Variants in DNAH11 observed in about 807,000 individuals in gnomAD.
DNAH11 encodes axonemal beta dynein heavy chain 11.
Under a neutral mutation model 526.0 loss-of-function variants are expected in DNAH11, and 442 were observed. The observed-to-expected ratio is 0.84, with a 90% confidence interval of 0.78 to 0.91. The LOEUF (loss-of-function observed/expected upper bound fraction) is 0.91. Among genes scored for constraint, DNAH11 ranks in the 40% least tolerant of loss-of-function variants. The probability of loss-of-function intolerance (pLI) is 0.00; values close to 1 mark genes in which losing one functional copy is unlikely to be tolerated. For synonymous variants in DNAH11, 2,461 were observed against 1,935.9 expected (o/e 1.27, Z -7.12); for missense variants, 6,989 against 5,448.7 (o/e 1.28, Z -8.90).
chr7:21,625,323 C>G (rs1198278602), intron 25 of DNAH11, among the ~76,000 whole-genome samples: 1 of 152,100 alleles, frequency 6.6e-6, no homozygotes, highest in Non-Finnish European at 1.5e-5. Flanking sequence ...ATAGTAGTCT[C>G]TTATGATCCT....
At chr7:21,707,630 G>A (rs1353359771) in intron 39 of DNAH11, 69 bp from the exon 40 acceptor site, 100 of 1,545,080 alleles carry the variant, frequency 6.5e-5, no homozygotes, top group Non-Finnish European at 8.6e-5. Context: ...AAACTCTTCA[G>A]AAATCTTTTA....
At chr7:21,601,293 A>G (rs1316887415) in intron 17 of DNAH11, 103 bp from the exon 18 acceptor site, 1 of 1,435,018 alleles carries the variant, frequency 7.0e-7, no homozygotes, top group Non-Finnish European at 9.4e-7. Flanking sequence ...ATAAATGTTT[A>G]ATCAGGTACA....
Position 21,635,771 on chromosome 7 carries a change from A to G in DNAH11, c.4501-100A>G, listed in dbSNP as rs1380812172. Reference sequence around the variant, plus strand: ...GTTCCAGATATTACATGCTAGGTCTAAGAATCCAGCAATAAACAGAGTAGA... The same window carrying G: ...GTTCCAGATATTACATGCTAGGTCTGAGAATCCAGCAATAAACAGAGTAGA... On this transcript the variant is annotated intron_variant, in intron 25 of 81. Coordinates refer to ENST00000409508, the MANE Select transcript of DNAH11 (RefSeq NM_001277115.2). 6.3e-5 allele frequency: 62 copies of G among 976,678 alleles called. 1 individual carries two copies. The highest frequency in any genetic ancestry group is 3.7e-4 in the East Asian group (14 of 37,338). The allele number at this position is 976,678 out of a possible 1,614,324, so 60.5% of individuals were successfully genotyped here.
At chr7:21,699,260 A>T (rs948270857) in intron 36 of DNAH11, among the ~76,000 whole-genome samples, 5 of 152,120 alleles carry the variant, frequency 3.3e-5, no homozygotes, top group African/African-American at 7.2e-5. Flanking sequence ...TGTGCTCTAC[A>T]ATTTCCTTGT....
intron 65 of DNAH11, among the ~76,000 whole-genome samples, chr7:21,834,864 A>T (rs552120047): frequency 6.6e-6 from 1 of 152,260 alleles, no homozygotes; most frequent in South Asian, 2.1e-4. Flanking sequence ...TCCCAAAAAA[A>T]CAAATAACAC....
In DNAH11 at chr7:21,741,932, T is replaced by G. The variant is rs764400516; in HGVS notation, c.7920T>G (p.His2640Gln). 1 of 1,613,716 alleles carries G rather than the reference T, an allele frequency of 6.2e-7. No homozygotes were observed. Among genetic ancestry groups the G allele is most frequent in the Non-Finnish European group, 8.5e-7 (1 of 1,179,764 alleles). Reference protein sequence around the residue: ...SFTINPRLQRHFTVFAFNFPS... With the variant: ...SFTINPRLQRQFTVFAFNFPS... ...ATATTTGCTTTTCTTTTCAGAGACA[T>G]TTCACAGTGTTTGCATTCAATTTTC... The change falls in exon 49 of 82, where the codon CAT becomes CAG. Residue 2640 changes from histidine (H) to glutamine (Q), a missense_variant. By Grantham distance (24) the His-to-Gln change is conservative. Transcript: ENST00000409508.
chr7:21,636,367 G>A (rs1202932217), intron 26 of DNAH11, among the ~76,000 whole-genome samples: 1 of 152,128 alleles, frequency 6.6e-6, no homozygotes, highest in East Asian at 1.9e-4. Flanking sequence ...AGCTTTACTT[G>A]TAGACACTGA....
chr7:21,635,316 C>G (rs992898184), intron 25 of DNAH11, among the ~76,000 whole-genome samples: 1 of 152,160 alleles, frequency 6.6e-6, no homozygotes, highest in Non-Finnish European at 1.5e-5. Context: ...GTCACCACGC[C>G]CAGCTAATTT....
chr7:21,758,800 A>G (rs1344588524), intron 54 of DNAH11, among the ~76,000 whole-genome samples: 1 of 152,208 alleles, frequency 6.6e-6, no homozygotes, highest in African/African-American at 2.4e-5. Flanking sequence ...TTTGGAAAGC[A>G]TGTCGTGCTT....
At chr7:21,594,818 G>A (rs1266816807) in intron 14 of DNAH11, among the ~76,000 whole-genome samples, 1 of 152,148 alleles carries the variant, frequency 6.6e-6, no homozygotes. Flanking sequence ...GGGACTGGCA[G>A]CTCAGGGGAG....
At chr7:21,578,447 T>C (rs1328464681) in intron 8 of DNAH11, among the ~76,000 whole-genome samples, 5 of 152,224 alleles carry the variant, frequency 3.3e-5, no homozygotes, top group African/African-American at 1.2e-4. Flanking sequence ...GCTCCACCCC[T>C]GTGGCTCTGC....
intron 45 of DNAH11, 126 bp from the exon 46 acceptor site, chr7:21,735,514 T>C (rs1350856671): frequency 6.2e-6 from 5 of 803,168 alleles, no homozygotes; most frequent in African/African-American, 1.7e-5. Flanking sequence ...ATCTGAACTA[T>C]GAATTATTTG....
chr7:21,652,557 C>G (rs1365751597), intron 28 of DNAH11, among the ~76,000 whole-genome samples: 2 of 127,286 alleles, frequency 1.6e-5, no homozygotes, highest in African/African-American at 5.0e-5. Flanking sequence ...TTTTTGATCT[C>G]CCTGTATGTT....
intron 2 of DNAH11, 140 bp downstream of exon 2, chr7:21,545,289 A>AAAAAT (rs1210210084): frequency 3.7e-6 from 3 of 805,108 alleles, no homozygotes; most frequent in African/African-American, 3.7e-5. Context: ...AAAAAAAAAA[A>AAAAAT]AAAAAAAGCT....
At position 21,591,529 on chromosome 7, in the gene DNAH11, A is replaced by G; in HGVS notation, c.2619A>G (p.Lys873=). The change falls in exon 14 of 82, where the codon AAA becomes AAG. Residue 873 remains lysine, a synonymous_variant. Coordinates refer to ENST00000409508, the MANE Select transcript of DNAH11 (RefSeq NM_001277115.2). ...LEDKGDLFTK[K]YKLIQGDGCK... ...ACAAGGGTGATTTGTTTACAAAAAA[A>G]TACAAGTTAATCCAAGGAGATGGCT... 1 of 1,595,426 alleles carries G rather than the reference A, an allele frequency of 6.3e-7. No individual in the cohort carries two copies. Among genetic ancestry groups the G allele is most frequent in the Middle Eastern group, 1.7e-4 (1 of 5,988 alleles).
At chr7:21,578,892 C>G (rs960830341) in intron 8 of DNAH11, among the ~76,000 whole-genome samples, 1 of 152,198 alleles carries the variant, frequency 6.6e-6, no homozygotes, top group African/African-American at 2.4e-5. Flanking sequence ...CAAACCTACT[C>G]TTGCCTGTCT....
chr7:21,574,347 G>A (rs563198616), intron 8 of DNAH11, among the ~76,000 whole-genome samples: 1 of 152,266 alleles, frequency 6.6e-6, no homozygotes, highest in East Asian at 1.9e-4. Context: ...TATGGACGAA[G>A]TACTGGATGC....
chr7:21,663,968 GT>G (rs1323006853), intron 30 of DNAH11, among the ~76,000 whole-genome samples: 1 of 151,854 alleles, frequency 6.6e-6, no homozygotes, highest in Non-Finnish European at 1.5e-5. Context: ...GGATCATATG[GT>G]AATTCTATTT....
At chr7:21,774,028 A>G (rs1366391226) in intron 56 of DNAH11, 29 bp downstream of exon 56, 1 of 1,492,704 alleles carries the variant, frequency 6.7e-7, no homozygotes. Context: ...ATTACTGAGT[A>G]ATATTTATGC....
Sources: gnomAD v4.1 joint callset for allele counts (sites outside exome capture counted in the v4.1 genomes callset) on GRCh38, gnomAD v4.1.1 for gene constraint, MANE v1.5 for transcripts, NCBI Gene and HGNC (gene_info 2026-07-23, HGNC 2026-07-21) for gene names.